Variants in CHST11 observed in about 807,000 individuals in gnomAD.
The protein encoded by CHST11 is C4S-1.
A neutral mutation model predicts 30.4 loss-of-function variants in CHST11; 9 were observed. The observed-to-expected ratio is 0.30, with a 90% confidence interval of 0.18 to 0.52. The LOEUF (loss-of-function observed/expected upper bound fraction) is 0.52. Ranked by LOEUF, CHST11 falls within the 20% of genes least tolerant of loss-of-function variation. The probability of loss-of-function intolerance (pLI) is 0.97; values close to 1 mark genes in which losing one functional copy is unlikely to be tolerated. For missense variants in CHST11, 348 were observed against 460.6 expected (o/e 0.76, Z 2.24); for synonymous variants, 152 against 187.8 (o/e 0.81, Z 1.56).
At chr12:104,612,022 T>G (rs1423427175) in intron 2 of CHST11, among the ~76,000 whole-genome samples, 2 of 152,216 alleles carry the variant, frequency 1.3e-5, no homozygotes, top group African/African-American at 4.8e-5. Flanking sequence ...CACTCAGCCC[T>G]GTTTCTCAAT....
intron 1 of CHST11, among the ~76,000 whole-genome samples, chr12:104,592,280 C>G (rs997807287): frequency 5.3e-5 from 8 of 152,092 alleles, no homozygotes; most frequent in African/African-American, 1.9e-4. Flanking sequence ...GGTGCTACAA[C>G]AAAATACCAT....
chr12:104,605,947 G>A (rs895360573), intron 2 of CHST11, among the ~76,000 whole-genome samples: 4 of 152,076 alleles, frequency 2.6e-5, no homozygotes, highest in African/African-American at 9.7e-5. Context: ...TCATCATGTG[G>A]TTCAGCCCTG....
At chr12:104,721,553 A>G (rs1318400178) in intron 2 of CHST11, among the ~76,000 whole-genome samples, 1 of 152,118 alleles carries the variant, frequency 6.6e-6, no homozygotes, top group Non-Finnish European at 1.5e-5. Flanking sequence ...AGTGTGCTCA[A>G]CTCATTCAAA....
chr12:104,705,742 G>A (rs2040026946), intron 2 of CHST11, among the ~76,000 whole-genome samples: 1 of 151,838 alleles, frequency 6.6e-6, no homozygotes, highest in African/African-American at 2.4e-5. Flanking sequence ...CCAACATGGC[G>A]AAACTCCTTC....
chr12:104,717,719 C>G (rs144889589), intron 2 of CHST11, among the ~76,000 whole-genome samples: 1 of 152,044 alleles, frequency 6.6e-6, no homozygotes, highest in African/African-American at 2.4e-5. Context: ...TGCAGTGAGC[C>G]GATATCACGC....
chr12:104,659,409 C>T (rs1566026570), intron 2 of CHST11, among the ~76,000 whole-genome samples: 1 of 152,124 alleles, frequency 6.6e-6, no homozygotes, highest in East Asian at 1.9e-4. Context: ...CGGGGATCTC[C>T]AAGAGCCATC....
intron 2 of CHST11, among the ~76,000 whole-genome samples, chr12:104,625,544 A>G (rs2039206060): frequency 6.6e-6 from 1 of 152,154 alleles, no homozygotes; most frequent in Non-Finnish European, 1.5e-5. Context: ...ACCTCAGGCG[A>G]TCCGCCCGCC....
At chr12:104,488,579 GTGTA>G (rs1246916342) in intron 1 of CHST11, among the ~76,000 whole-genome samples, 3 of 136,030 alleles carry the variant, frequency 2.2e-5, no homozygotes, top group East Asian at 2.6e-4. Flanking sequence ...GTGTATGTGT[GTGTA>G]TGTATGCGTA....
intron 2 of CHST11, among the ~76,000 whole-genome samples, chr12:104,625,419 C>T (rs1193835803): frequency 6.6e-6 from 1 of 152,154 alleles, no homozygotes; most frequent in Middle Eastern, 3.2e-3. Flanking sequence ...ATTCTCCTGC[C>T]TCAGCCTCCT....
At chr12:104,747,212 G>A (rs572980800) in intron 2 of CHST11, among the ~76,000 whole-genome samples, 13 of 152,324 alleles carry the variant, frequency 8.5e-5, no homozygotes, top group East Asian at 3.9e-4. Flanking sequence ...CCCGGGAGCC[G>A]ATAACTCCCG....
chr12:104,504,899 A>T (rs1336359601), intron 1 of CHST11, among the ~76,000 whole-genome samples: 2 of 152,122 alleles, frequency 1.3e-5, no homozygotes, highest in Non-Finnish European at 2.9e-5. Context: ...TCAATATTTT[A>T]AAAATGACTC....
At chr12:104,578,569 A>G (rs2038708088) in intron 1 of CHST11, among the ~76,000 whole-genome samples, 1 of 152,136 alleles carries the variant, frequency 6.6e-6, no homozygotes, top group Non-Finnish European at 1.5e-5. Flanking sequence ...TGACAGCACG[A>G]GTTGAAAAGT....
chr12:104,597,720 T>C lies in CHST11; in HGVS notation c.119-4186T>C, dbSNP rs371527747. Among the ~76,000 whole-genome samples, 55 of 152,342 alleles carry C rather than the reference T, an allele frequency of 3.6e-4. No individual in the cohort carries two copies. In the South Asian group the frequency reaches 0.011, roughly 30 times the overall value. On this transcript the variant is annotated intron_variant, in intron 1 of 2. Transcript: ENST00000303694. ...AGGTGCTTGATAAAAACTTGTCGAA[T>C]GAATGAGTGTAATGAAACCATTAAT...
chr12:104,703,254 T>C (rs2040004980), intron 2 of CHST11, among the ~76,000 whole-genome samples: 1 of 152,210 alleles, frequency 6.6e-6, no homozygotes, highest in African/African-American at 2.4e-5. Context: ...AGCTGACACC[T>C]CGGGCCTCTC....
intron 2 of CHST11, among the ~76,000 whole-genome samples, chr12:104,648,746 G>A (rs2694412): frequency 0.16 from 24,682 of 150,008 alleles, 2,126 homozygotes; most frequent in African/African-American, 0.18. Context: ...CACAGGAGGT[G>A]GAGGTTGCAG....
chr12:104,531,444 A>C (rs1169695617), intron 1 of CHST11, among the ~76,000 whole-genome samples: 2 of 146,700 alleles, frequency 1.4e-5, no homozygotes, highest in Non-Finnish European at 3.0e-5. Flanking sequence ...TGATTGTGGC[A>C]ACAGAGGGAG....
intron 2 of CHST11, among the ~76,000 whole-genome samples, chr12:104,650,818 C>T (rs922433945): frequency 1.3e-5 from 2 of 152,216 alleles, no homozygotes; most frequent in African/African-American, 4.8e-5. Flanking sequence ...GCAGGTGCTT[C>T]CTCAGCCAGC....
intron 1 of CHST11, among the ~76,000 whole-genome samples, chr12:104,522,169 C>G (rs532925806): frequency 3.3e-5 from 5 of 152,256 alleles, no homozygotes; most frequent in African/African-American, 1.2e-4. Context: ...GGCTCTTTTT[C>G]TCAGAAGGGG....
chr12:104,542,097 A>AGAGT (rs2038292458), intron 1 of CHST11, among the ~76,000 whole-genome samples: 1 of 152,248 alleles, frequency 6.6e-6, no homozygotes, highest in African/African-American at 2.4e-5. Context: ...TCAATTGAGA[A>AGAGT]GAGTGAGGCA....
Sources: gnomAD v4.1 joint callset for allele counts (sites outside exome capture counted in the v4.1 genomes callset) on GRCh38, gnomAD v4.1.1 for gene constraint, MANE v1.5 for transcripts, NCBI Gene and HGNC (gene_info 2026-07-23, HGNC 2026-07-21) for gene names.